Variants in FCMR observed in about 807,000 individuals in gnomAD.
The protein encoded by FCMR is Fc mu receptor, also known as immunoglobulin mu Fc receptor.
A neutral mutation model predicts 41.6 loss-of-function variants in FCMR; 34 were observed. The observed-to-expected ratio is 0.82, with a 90% CI of 0.62 to 1.09. The LOEUF is 1.09. Ranked by LOEUF, FCMR falls within the 50% of genes least tolerant of loss-of-function variation. The pLI is 0.00. For missense variants in FCMR, 496 were observed against 512.5 expected (o/e 0.97, Z 0.31); for synonymous variants, 209 against 211.8 (o/e 0.99, Z 0.12).
In FCMR at chr1:206,904,762, A is replaced by C. The variant is rs1572612294; in HGVS notation, c.*257T>G. ...AGTCTGTTCGACGGCTTGGAAAGGA[A>C]GCAAGTGGCATTGGGACAATTGCTC... On this transcript the variant is annotated 3_prime_UTR_variant, in exon 8 of 8. Transcript: ENST00000367091. 1 of 464,782 alleles carries C rather than the reference A, an allele frequency of 2.2e-6. No homozygotes were observed. Among genetic ancestry groups the C allele is most frequent in the East Asian group, 3.8e-5 (1 of 26,072 alleles). The allele number at this position is 464,782 out of a possible 1,614,324, so 28.8% of individuals were successfully genotyped here. A position where few individuals can be genotyped will look rare whatever the true frequency, so the allele number is the denominator to read the frequency against.
chr1:206,913,422 G>C (rs921753378), intron 2 of FCMR, among the ~76,000 whole-genome samples: 1 of 152,242 alleles, frequency 6.6e-6, no homozygotes, highest in Admixed American at 6.5e-5. Flanking sequence ...ATTTCTCATG[G>C]GACAATTACG....
intron 7 of FCMR, 132 bp from the exon 8 acceptor site, chr1:206,905,279 G>T: frequency 1.0e-6 from 1 of 966,422 alleles, no homozygotes. Flanking sequence ...CACAGAGATG[G>T]CTCAGCTCCA....
In FCMR at chr1:206,909,531, G is replaced by C. The variant is rs1049576905; in HGVS notation, c.986-11C>G. On this transcript the variant is annotated splice_polypyrimidine_tract_variant and intron_variant, in intron 6 of 7. Transcript: ENST00000367091. The surrounding 1 kb of genome is among the most constrained non-coding windows in gnomAD (Gnocchi z 5.0). ...GGGCCTCCCCTGTGCCTAGGGAACA[G>C]CGAGGGCGAGGTGAGGCGGCGGCCG... is the stretch of plus-strand genomic sequence containing the variant. The C allele has an allele frequency of 2.9e-5, 38 of 1,327,668 alleles. No individual in the cohort carries two copies. The highest frequency in any genetic ancestry group is 3.2e-5 in the Non-Finnish European group (33 of 1,042,576). 82.2% of individuals were successfully genotyped at this position (1,327,668 alleles called of 1,614,324 possible). A position where few individuals can be genotyped will look rare whatever the true frequency, so the allele number is the denominator to read the frequency against.
In FCMR at chr1:206,911,907, G is replaced by T; in HGVS notation, c.533C>A (p.Ser178Tyr). ...GTGGGTGATTTGGGTGGTGGGGGAGGAGTGGTGAACTGGAGGGACCTTGCC... is the reference window on the plus strand; with the variant it reads ...GTGGGTGATTTGGGTGGTGGGGGAGTAGTGGTGAACTGGAGGGACCTTGCC... ...QRGKVPPVHH[S>Y]SPTTQITHRP... Residue 178 changes from serine to tyrosine, a missense_variant, in exon 4 of 8, where the codon TCC becomes TAC. Transcript: ENST00000367091. The T allele has an allele frequency of 1.2e-6, 2 of 1,606,386 alleles. No individual in the cohort carries two copies. The highest frequency in any genetic ancestry group is 1.7e-6 in the Non-Finnish European group (2 of 1,177,848).
intron 1 of FCMR, among the ~76,000 whole-genome samples, chr1:206,921,127 T>A (rs1679421393): frequency 6.6e-6 from 1 of 152,160 alleles, no homozygotes; most frequent in African/African-American, 2.4e-5. Flanking sequence ...AGGAAATAGA[T>A]TAGAGCTACT....
chr1:206,908,700 C>T lies in FCMR; in HGVS notation c.1044+762G>A, dbSNP rs753741021. On this transcript the variant is annotated intron_variant, in intron 7 of 7. Coordinates refer to ENST00000367091, the MANE Select transcript of FCMR (RefSeq NM_005449.5). ...GTGCTCCTCACCTGTATTTTGTAAT[C>T]AGGATCAAATAAATTATTTTTAAAG... Among the ~76,000 whole-genome samples, 126 of 151,672 alleles carry T rather than the reference C, an allele frequency of 8.3e-4. 4 individuals are homozygous for T. The highest frequency in any genetic ancestry group is 5.9e-4 in the Non-Finnish European group (40 of 67,966).
chr1:206,904,999 G>C lies in FCMR; in HGVS notation c.*20C>G. 1.2e-6 allele frequency: 2 copies of C among 1,613,250 alleles called. No individual in the cohort carries two copies. Among genetic ancestry groups the C allele is most frequent in the Non-Finnish European group, 1.7e-6 (2 of 1,179,590 alleles). On this transcript the variant is annotated 3_prime_UTR_variant, in exon 8 of 8. Transcript: ENST00000367091. ...GGCACCACAGTCCGAGCCTGGGGTTGGGGGATAGCTGGGGAGTTGTCAGGC... is the reference window on the plus strand; with the variant it reads ...GGCACCACAGTCCGAGCCTGGGGTTCGGGGATAGCTGGGGAGTTGTCAGGC...
Position 206,909,020 on chromosome 1 carries a change from A to T in FCMR, c.1044+442T>A, listed in dbSNP as rs1678801982. Among the ~76,000 whole-genome samples, 1 of 152,178 alleles carries T rather than the reference A, an allele frequency of 6.6e-6. No individual in the cohort carries two copies. Among genetic ancestry groups the T allele is most frequent in the Non-Finnish European group, 1.5e-5 (1 of 68,030 alleles). ...AGCTTAACCGCCTCCAGAGAAAGGT[A>T]AATTACCTCCTCTCATCTTCGAGAG... On this transcript the variant is annotated intron_variant, in intron 7 of 7. Transcript: ENST00000367091. This position sits in a 1 kb window ranked among gnomAD's most constrained non-coding sequence, Gnocchi z 5.0.
At chr1:206,919,844 A>G (rs191878987) in intron 1 of FCMR, among the ~76,000 whole-genome samples, 13 of 152,222 alleles carry the variant, frequency 8.5e-5, no homozygotes, top group Non-Finnish European at 1.5e-4. Flanking sequence ...TAGTTAACCA[A>G]CCACCGTGCC....
At chr1:206,922,181 GGTGCTTTTTCTTAGCAGGGCCTCCC>G (rs1679467142), upstream of FCMR, among the ~76,000 whole-genome samples, 1 of 152,200 alleles carries the variant, frequency 6.6e-6, no homozygotes, top group South Asian at 2.1e-4. Context: ...CCTTTGTCTT[GGTGCTTTTTCTTAGCAGGGCCTCCC>G]GTGCTTTATG....
chr1:206,920,462 A>AT (rs1679386941), intron 1 of FCMR, among the ~76,000 whole-genome samples: 1 of 151,620 alleles, frequency 6.6e-6, no homozygotes, highest in African/African-American at 2.4e-5. Flanking sequence ...CTCAAAAAAA[A>AT]AAAAAAAAAG....
At chr1:206,910,995 C>T (rs184652856) in intron 4 of FCMR, among the ~76,000 whole-genome samples, 4 of 152,268 alleles carry the variant, frequency 2.6e-5, no homozygotes, top group Admixed American at 2.6e-4. Flanking sequence ...ATATTGTCAT[C>T]TTCTTATATC....
intron 1 of FCMR, among the ~76,000 whole-genome samples, chr1:206,916,478 C>T (rs1191978567): frequency 6.6e-6 from 1 of 152,204 alleles, no homozygotes; most frequent in Non-Finnish European, 1.5e-5. Context: ...AGCCTCAGGC[C>T]TCCCAGGGTT....
At position 206,921,808 on chromosome 1, in the gene FCMR, C is replaced by T. The variant is rs201056115; in HGVS notation, c.37+10G>A. The T allele has an allele frequency of 1.4e-4, 218 of 1,613,602 alleles. No homozygotes were observed. The highest frequency in any genetic ancestry group is 9.9e-4 in the Middle Eastern group (6 of 6,060). The stretch of plus-strand genomic sequence containing the variant: ...TTCAGAGGTCTGAAGTGTTTCCCCA[C>T]GGTACTTACCTGGCAGGAAGTAAAG... On this transcript the variant is annotated intron_variant, in intron 1 of 7. Coordinates refer to ENST00000367091, the MANE Select transcript of FCMR (RefSeq NM_005449.5).
intron 5 of FCMR, 145 bp downstream of exon 5, chr1:206,910,065 C>T: frequency 8.7e-7 from 1 of 1,144,160 alleles, no homozygotes; most frequent in Non-Finnish European, 1.2e-6. Context: ...CTCCTCAGAC[C>T]AGTGGCCCCC....
At position 206,909,835 on chromosome 1, in the gene FCMR, C is replaced by T. The variant is rs1678844841; in HGVS notation, c.875G>A (p.Arg292Lys). Residue 292 changes from arginine (R) to lysine (K), a missense_variant, in exon 6 of 8, where the codon AGG becomes AAG. Transcript: ENST00000367091. The surrounding 1 kb of genome is among the most constrained non-coding windows in gnomAD (Gnocchi z 5.0). ...CTGGGAGCTCTCCAGGGCGCGCATCCTCACGGCCAGTCGGCGGGCCCGCCT... is the reference window on the plus strand; with the variant it reads ...CTGGGAGCTCTCCAGGGCGCGCATCTTCACGGCCAGTCGGCGGGCCCGCCT... Reference protein sequence around the residue: ...LSRRARRLAVRMRALESSQRP... With the variant: ...LSRRARRLAVKMRALESSQRP... 7.2e-7 allele frequency: 1 copy of T among 1,392,290 alleles called. No individual in the cohort carries two copies. Among genetic ancestry groups the T allele is most frequent in the Non-Finnish European group, 9.3e-7 (1 of 1,076,424 alleles). The allele number at this position is 1,392,290 out of a possible 1,614,324, so 86.2% of individuals were successfully genotyped here.
chr1:206,907,103 T>TGGGGGGGG (rs75679471), intron 7 of FCMR, among the ~76,000 whole-genome samples: 9 of 43,380 alleles, frequency 2.1e-4, no homozygotes, highest in South Asian at 1.3e-3. Flanking sequence ...GGTGGGGGGG[T>TGGGGGGGG]GGGGGGGGGG....
intron 1 of FCMR, chr1:206,917,727 A>G (rs1002567618): frequency 3.0e-5 from 13 of 438,908 alleles, no homozygotes; most frequent in East Asian, 2.8e-4. Flanking sequence ...CCTGGGCTCA[A>G]TTGAGGCTCC....
intron 1 of FCMR, chr1:206,921,275 T>C: frequency 4.2e-6 from 1 of 240,830 alleles, no homozygotes; most frequent in South Asian, 4.6e-5. Flanking sequence ...TAGGCTAATA[T>C]GTTTAGGAGA....
Sources: gnomAD v4.1 joint callset for allele counts (sites outside exome capture counted in the v4.1 genomes callset) on GRCh38, gnomAD v4.1.1 for gene constraint, Gnocchi (gnomAD v3.1) non-coding constraint, MANE v1.5 for transcripts, NCBI Gene and HGNC (gene_info 2026-07-23, HGNC 2026-07-21) for gene names.